UBE2G1: variants seen among roughly 807,000 people sequenced by gnomAD.
UBE2G1 encodes ubiquitin-conjugating enzyme E2 G1.
A neutral mutation model predicts 22.7 loss-of-function variants in UBE2G1; 5 were observed. The ratio of observed to expected loss-of-function variants is 0.22; its 90% CI spans 0.12 to 0.46. UBE2G1 has a LOEUF of 0.46. UBE2G1 is among the 20% of genes least tolerant of loss of function. The probability of loss-of-function intolerance (pLI) is 0.99; values close to 1 mark genes in which losing one functional copy is unlikely to be tolerated. For synonymous variants in UBE2G1, 74 were observed against 67.5 expected, an observed-to-expected ratio of 1.10 and a Z score of -0.47; for missense variants, 88 against 203.9, an observed-to-expected ratio of 0.43 and a Z score of 3.46.
chr17:4,291,015 C>T (rs1221850040), intron 3 of UBE2G1, among the ~76,000 whole-genome samples: 1 of 152,156 alleles, frequency 6.6e-6, no homozygotes, highest in Admixed American at 6.5e-5. Context: ...CTCTTCCCAA[C>T]CCATCCCTAT....
intron 1 of UBE2G1, among the ~76,000 whole-genome samples, chr17:4,321,015 G>C (rs1476662783): frequency 6.6e-6 from 1 of 152,172 alleles, no homozygotes; most frequent in East Asian, 1.9e-4. Flanking sequence ...TTGCCAGGCG[G>C]TGTGAACCTG....
At chr17:4,277,990 C>G (rs573017015) in intron 5 of UBE2G1, among the ~76,000 whole-genome samples, 21 of 152,232 alleles carry the variant, frequency 1.4e-4, no homozygotes, top group African/African-American at 5.1e-4. Flanking sequence ...GCCTCTGCCT[C>G]CGGGATTCAA....
chr17:4,295,376 C>G (rs1969098123), intron 3 of UBE2G1, among the ~76,000 whole-genome samples: 1 of 152,216 alleles, frequency 6.6e-6, no homozygotes, highest in South Asian at 2.1e-4. Context: ...TACGCTAAGT[C>G]CCTTGGCTCC....
intron 2 of UBE2G1, chr17:4,301,866 G>A (rs2143721404): frequency 2.0e-6 from 1 of 502,148 alleles, no homozygotes; most frequent in Admixed American, 2.3e-5. Context: ...AACTTCGTGA[G>A]TTGGCTGTAT....
At chr17:4,336,834 C>A (rs142466495) in intron 1 of UBE2G1, among the ~76,000 whole-genome samples, 6 of 152,252 alleles carry the variant, frequency 3.9e-5, no homozygotes, top group African/African-American at 1.4e-4. Context: ...ATAAGAGTAT[C>A]ATTTCCTGAA....
intron 1 of UBE2G1, among the ~76,000 whole-genome samples, chr17:4,308,304 G>A (rs1236965719): frequency 6.6e-6 from 1 of 152,208 alleles, no homozygotes; most frequent in Non-Finnish European, 1.5e-5. Flanking sequence ...GGTGAGCCAA[G>A]ATCGCGCCAT....
chr17:4,274,303 T>G (rs1320894390), intron 5 of UBE2G1, among the ~76,000 whole-genome samples: 6 of 151,028 alleles, frequency 4.0e-5, no homozygotes, highest in Non-Finnish European at 8.8e-5. Flanking sequence ...GTTCGCGCCA[T>G]TCTCCTGCCT....
At chr17:4,273,993 T>A (rs1968790806) in intron 5 of UBE2G1, among the ~76,000 whole-genome samples, 1 of 145,170 alleles carries the variant, frequency 6.9e-6, no homozygotes, top group Non-Finnish European at 1.5e-5. Context: ...AACTTACCAA[T>A]TTTTTTTTTT....
chr17:4,282,374 C>T (rs755265705), intron 5 of UBE2G1, among the ~76,000 whole-genome samples: 4 of 152,110 alleles, frequency 2.6e-5, no homozygotes, highest in Non-Finnish European at 4.4e-5. Flanking sequence ...TGAGCCACCA[C>T]GCCTGGCCAG....
At chr17:4,311,176 C>G (rs1969306171) in intron 1 of UBE2G1, among the ~76,000 whole-genome samples, 1 of 152,052 alleles carries the variant, frequency 6.6e-6, no homozygotes, top group African/African-American at 2.4e-5. Context: ...GCAGTGACCT[C>G]AGATGACACC....
intron 1 of UBE2G1, among the ~76,000 whole-genome samples, chr17:4,308,537 AAC>A (rs984250666): frequency 1.3e-5 from 2 of 152,168 alleles, no homozygotes; most frequent in African/African-American, 2.4e-5. Context: ...AAAGAAAAAA[AAC>A]ACACACACAC....
chr17:4,341,218 C>T (rs1264190321), intron 1 of UBE2G1, among the ~76,000 whole-genome samples: 1 of 152,142 alleles, frequency 6.6e-6, no homozygotes, highest in Non-Finnish European at 1.5e-5. Context: ...TTTCAGTCAA[C>T]GCTTACTGGG....
At position 4,329,572 on chromosome 17, in the gene UBE2G1, G is replaced by C. The variant is rs374813174; in HGVS notation, c.47-22449C>G. Among the ~76,000 whole-genome samples the C allele has an allele frequency of 1.3e-4, 19 of 151,946 alleles. No homozygotes were observed. The South Asian group carries it at 1.9e-3, about 15-fold the overall frequency. On this transcript the variant is annotated intron_variant, in intron 1 of 5. Coordinates refer to ENST00000396981, the MANE Select transcript of UBE2G1 (RefSeq NM_003342.5). ...CTGTCTCAAAAAAAAAAAAGAGACT[G>C]AGACTCTTCTTTCCACTATTAAACA...
intron 1 of UBE2G1, among the ~76,000 whole-genome samples, chr17:4,343,630 C>T (rs1218664436): frequency 6.6e-6 from 1 of 152,014 alleles, no homozygotes; most frequent in Non-Finnish European, 1.5e-5. Flanking sequence ...GCTCTGTCGC[C>T]CAGGCTGGAG....
intron 2 of UBE2G1, among the ~76,000 whole-genome samples, chr17:4,301,218 C>T (rs1246773959): frequency 1.3e-5 from 2 of 152,190 alleles, no homozygotes; most frequent in Admixed American, 6.5e-5. Flanking sequence ...CCACAGTTCA[C>T]TATTATTCTA....
intron 4 of UBE2G1, among the ~76,000 whole-genome samples, chr17:4,283,838 T>C (rs746195967): frequency 2.6e-5 from 4 of 151,992 alleles, no homozygotes; most frequent in Non-Finnish European, 5.9e-5. Context: ...ATGGCAAATC[T>C]GAGAAGAGCC....
At chr17:4,285,174 G>A (rs1413251520) in intron 4 of UBE2G1, among the ~76,000 whole-genome samples, 4 of 151,730 alleles carry the variant, frequency 2.6e-5, no homozygotes, top group Non-Finnish European at 5.9e-5. Context: ...AATTTCCCAG[G>A]GCTGGTATCT....
At chr17:4,323,338 T>C (rs1969465557) in intron 1 of UBE2G1, among the ~76,000 whole-genome samples, 2 of 152,152 alleles carry the variant, frequency 1.3e-5, no homozygotes, top group Admixed American at 6.5e-5. Flanking sequence ...CATCACAACC[T>C]ATGAGATTAA....
At chr17:4,352,956 C>T (rs951479163) in intron 1 of UBE2G1, among the ~76,000 whole-genome samples, 1 of 152,118 alleles carries the variant, frequency 6.6e-6, no homozygotes, top group Non-Finnish European at 1.5e-5. Flanking sequence ...CACTGGCTCA[C>T]GCCTGTAATC....
Sources: gnomAD v4.1 joint callset for allele counts (sites outside exome capture counted in the v4.1 genomes callset) on GRCh38, gnomAD v4.1.1 for gene constraint, MANE v1.5 for transcripts, NCBI Gene and HGNC (gene_info 2026-07-23, HGNC 2026-07-21) for gene names.